IFT43: variants seen among roughly 807,000 people sequenced by gnomAD.
IFT43 encodes intraflagellar transport protein 43 homolog.
IFT43 carries 33 observed loss-of-function variants against 32.3 expected under a neutral mutation model. The ratio of observed to expected loss-of-function variants is 1.02; its 90% CI spans 0.77 to 1.37. The LOEUF is 1.37. Ranked by LOEUF, IFT43 falls within the 40% of genes most tolerant of loss-of-function variation. The pLI, the probability that IFT43 is intolerant of heterozygous loss-of-function variation, is 0.00. For missense variants in IFT43, 274 were observed against 265.9 expected (o/e 1.03, Z -0.21); for synonymous variants, 93 against 98.2 (o/e 0.95, Z 0.31).
intron 2 of IFT43, among the ~76,000 whole-genome samples, chr14:75,999,262 TATATATATA>T (rs2035826510): frequency 3.2e-4 from 8 of 25,280 alleles, no homozygotes; most frequent in African/African-American, 4.8e-4. Flanking sequence ...TATATATATA[TATATATATA>T]TGTATATATA....
At position 75,999,254 on chromosome 14, in the gene IFT43, TATATATATATATATATATGTA is replaced by T. The variant is rs1566699392; in HGVS notation, c.147+10278_147+10298del. Among the ~76,000 whole-genome samples, 81 of 9,988 alleles carry T rather than the reference TATATATATATATATATATGTA, an allele frequency of 8.1e-3. 1 individual carries two copies. The highest frequency in any genetic ancestry group is 0.029 in the African/African-American group (75 of 2,546). The allele number at this position is 9,988 out of a possible 152,430, so 6.6% of individuals were successfully genotyped here. ...ATATATATATATATATATATATATA[TATATATATATATATATATGTA>T]TATATATTTTTTTTTTTTTTTTTTT... On this transcript the variant is annotated intron_variant, in intron 2 of 8. Coordinates refer to ENST00000314067, the MANE Select transcript of IFT43 (RefSeq NM_001102564.3).
chr14:75,994,803 C>G (rs1486533518), intron 2 of IFT43, among the ~76,000 whole-genome samples: 1 of 152,236 alleles, frequency 6.6e-6, no homozygotes, highest in Non-Finnish European at 1.5e-5. Flanking sequence ...CCAGATTTCT[C>G]TGCTTGAGCC....
chr14:76,013,418 C>T (rs57351758), intron 2 of IFT43, among the ~76,000 whole-genome samples: 2,158 of 152,244 alleles, frequency 0.014, 56 homozygotes, highest in African/African-American at 0.045. Context: ...CTGTCACCTC[C>T]GGAAAGGGAA....
In IFT43 at chr14:76,057,242, A is replaced by T. The variant is rs550315384; in HGVS notation, c.216-1400A>T. Reference sequence around the variant, plus strand: ...TTTAATTATTTTATTTTATATTATTATTTTTTTTGAGACGGAGTCTCACTC... The same window carrying T: ...TTTAATTATTTTATTTTATATTATTTTTTTTTTTGAGACGGAGTCTCACTC... On this transcript the variant is annotated intron_variant, in intron 3 of 8. Transcript: ENST00000314067. Among the ~76,000 whole-genome samples the T allele has an allele frequency of 1.3e-4, 20 of 151,362 alleles. No individual in the cohort carries two copies. The East Asian group carries it at 1.9e-3, about 15-fold the overall frequency.
At chr14:75,997,178 AAG>A (rs1430055229) in intron 2 of IFT43, among the ~76,000 whole-genome samples, 5 of 146,640 alleles carry the variant, frequency 3.4e-5, no homozygotes, top group Non-Finnish European at 7.4e-5. Context: ...TTCTGGAGAC[AAG>A]AGAGAGAGCA....
chr14:76,059,182 T>G, intron 4 of IFT43, 145 bp from the exon 5 acceptor site: 2 of 1,582,844 alleles, frequency 1.3e-6, no homozygotes, highest in East Asian at 2.3e-5. Flanking sequence ...AGTGGCCTAA[T>G]TAGGTTTGAC....
intron 3 of IFT43, among the ~76,000 whole-genome samples, chr14:76,034,667 C>G (rs1311572080): frequency 1.3e-5 from 2 of 152,222 alleles, no homozygotes; most frequent in African/African-American, 4.8e-5. Flanking sequence ...GCTTTATTTG[C>G]ATAACACTGC....
intron 5 of IFT43, among the ~76,000 whole-genome samples, chr14:76,060,829 TCTTCCTTC>T (rs145202057): frequency 5.1e-4 from 66 of 130,352 alleles, no homozygotes; most frequent in South Asian, 1.1e-3. Flanking sequence ...TCCCTCCCTT[TCTTCCTTC>T]CTTCCTTCCT....
intron 3 of IFT43, among the ~76,000 whole-genome samples, chr14:76,039,137 T>G (rs1207621653): frequency 2.0e-5 from 3 of 152,054 alleles, no homozygotes; most frequent in African/African-American, 7.2e-5. Context: ...TGCATTTTTT[T>G]TTTTTTCTTT....
chr14:75,990,493 C>T (rs1300287081), intron 2 of IFT43, among the ~76,000 whole-genome samples: 1 of 152,164 alleles, frequency 6.6e-6, no homozygotes, highest in Non-Finnish European at 1.5e-5. Context: ...TATCATCGTA[C>T]CCTATTATCT....
intron 5 of IFT43, among the ~76,000 whole-genome samples, chr14:76,072,235 G>A (rs2037334555): frequency 6.6e-6 from 1 of 152,132 alleles, no homozygotes; most frequent in Non-Finnish European, 1.5e-5. Flanking sequence ...ATCCTCCAGA[G>A]GGGAGAACCT....
At chr14:76,033,147 G>A (rs562235424) in intron 3 of IFT43, among the ~76,000 whole-genome samples, 1 of 152,314 alleles carries the variant, frequency 6.6e-6, no homozygotes, top group South Asian at 2.1e-4. Context: ...ACAGTCATTT[G>A]CATTGGAGCC....
intron 3 of IFT43, among the ~76,000 whole-genome samples, chr14:76,053,704 A>G (rs1443388852): frequency 6.6e-6 from 1 of 152,228 alleles, no homozygotes; most frequent in Non-Finnish European, 1.5e-5. Flanking sequence ...AAATGGCCAA[A>G]GCAATCAGTG....
intron 5 of IFT43, chr14:76,076,711 T>G: frequency 6.2e-7 from 1 of 1,613,930 alleles, no homozygotes; most frequent in Non-Finnish European, 8.5e-7. Flanking sequence ...TGACTGTCAG[T>G]CTACGGGAAC....
intron 2 of IFT43, among the ~76,000 whole-genome samples, chr14:75,995,514 T>C (rs2035727424): frequency 6.6e-6 from 1 of 152,192 alleles, no homozygotes; most frequent in Admixed American, 6.5e-5. Context: ...GAAATGCTGC[T>C]GGGCTCATGT....
At chr14:76,045,255 C>T (rs965662585) in intron 3 of IFT43, among the ~76,000 whole-genome samples, 2 of 152,150 alleles carry the variant, frequency 1.3e-5, no homozygotes, top group African/African-American at 4.8e-5. Context: ...CTGGGTTTGC[C>T]ACCTTTTTCT....
intron 3 of IFT43, among the ~76,000 whole-genome samples, chr14:76,036,643 G>T (rs2036605444): frequency 6.6e-6 from 1 of 152,136 alleles, no homozygotes; most frequent in Non-Finnish European, 1.5e-5. Context: ...GACCTCAGGT[G>T]ATCCTCCTGT....
At chr14:76,069,941 G>T (rs765500699) in intron 5 of IFT43, among the ~76,000 whole-genome samples, 4 of 152,128 alleles carry the variant, frequency 2.6e-5, no homozygotes, top group Non-Finnish European at 4.4e-5. Context: ...CAGAACCTTA[G>T]GAATAATAAA....
At chr14:76,054,820 C>T (rs1403832951) in intron 3 of IFT43, among the ~76,000 whole-genome samples, 2 of 152,224 alleles carry the variant, frequency 1.3e-5, no homozygotes, top group Non-Finnish European at 2.9e-5. Context: ...ACACAAGCCT[C>T]ATCGACAGCC....
Sources: allele counts gnomAD v4.1 joint callset (sites outside exome capture counted in the v4.1 genomes callset), GRCh38; gene constraint gnomAD v4.1.1; transcripts MANE v1.5; gene names NCBI Gene and HGNC (gene_info 2026-07-23, HGNC 2026-07-21).